The following FAM53B variants were observed in gnomAD, a reference collection of about 807,000 sequenced individuals.
FAM53B encodes protein FAM53B.
A neutral mutation model predicts 32.7 loss-of-function variants in FAM53B; 12 were observed. The ratio of observed to expected loss-of-function variants is 0.37; its 90% CI spans 0.24 to 0.59. The LOEUF (loss-of-function observed/expected upper bound fraction) is 0.59. Among genes scored for constraint, FAM53B ranks in the 20% least tolerant of loss-of-function variants. The pLI, the probability that FAM53B is intolerant of heterozygous loss-of-function variation, is 0.72. For synonymous variants in FAM53B, 234 were observed against 228.7 expected (o/e 1.02, Z -0.21); for missense variants, 477 against 577.7 (o/e 0.83, Z 1.79).
In FAM53B at chr10:124,681,703, C is replaced by T. The variant is rs141674794; in HGVS notation, c.810G>A (p.Pro270=). The change falls in exon 4 of 5, where the codon CCG becomes CCA. Residue 270 remains proline (P), a synonymous_variant. Transcript: ENST00000337318. ...SSGLSRSRSQ[P]CVLNDKKVGV... is the part of the protein sequence containing the mutation. ...CGACCTTCTTGTCGTTAAGGACACACGGCTGGGAGCGGCTGCGGGAAAGGC... is the reference window on the plus strand; with the variant it reads ...CGACCTTCTTGTCGTTAAGGACACATGGCTGGGAGCGGCTGCGGGAAAGGC... The T allele has an allele frequency of 1.9e-4, 300 of 1,610,412 alleles. 1 individual carries two copies. In the South Asian group the frequency reaches 2.7e-3, roughly 14 times the overall value.
intron 4 of FAM53B, among the ~76,000 whole-genome samples, chr10:124,661,010 C>A (rs1949627345): frequency 1.4e-5 from 2 of 147,478 alleles, no homozygotes; most frequent in Non-Finnish European, 3.0e-5. Context: ...CTATACAATT[C>A]AGCCATGAAA....
chr10:124,639,603 G>C (rs916470867), intron 4 of FAM53B, among the ~76,000 whole-genome samples: 4 of 152,190 alleles, frequency 2.6e-5, no homozygotes, highest in African/African-American at 9.7e-5. Context: ...GGGTTGGCCG[G>C]GGTGGGTCTC....
chr10:124,645,333 T>C (rs1240666756), intron 4 of FAM53B, among the ~76,000 whole-genome samples: 1 of 152,214 alleles, frequency 6.6e-6, no homozygotes, highest in East Asian at 1.9e-4. Context: ...CAGTAATCAT[T>C]GAGAGCAATA....
intron 4 of FAM53B, among the ~76,000 whole-genome samples, chr10:124,643,072 G>GAA (rs1949487498): frequency 6.6e-6 from 1 of 152,172 alleles, no homozygotes; most frequent in Non-Finnish European, 1.5e-5. Context: ...AGAAAGAAAA[G>GAA]AAAGAGCACG....
chr10:124,698,626 C>T (rs1027884767), intron 2 of FAM53B, among the ~76,000 whole-genome samples: 1 of 152,178 alleles, frequency 6.6e-6, no homozygotes, highest in African/African-American at 2.4e-5. Context: ...GCATCTGCAG[C>T]AGGTCCCCAG....
rs542998091 is a variant in FAM53B, at chr10:124,660,359, C to T, written c.906+21248G>A. ...CATCTCACTGGGACCAGACAAGCAA[C>T]CCAGCTGGTACGTCCAGAGGAATGC... On this transcript the variant is annotated intron_variant, in intron 4 of 4. Transcript: ENST00000337318. 2.0e-5 allele frequency among the ~76,000 whole-genome samples: 3 copies of T among 152,344 alleles called. No individual in the cohort carries two copies. In the South Asian group the frequency reaches 6.2e-4, roughly 32 times the overall value.
At chr10:124,658,714 C>T (rs1949611229) in intron 4 of FAM53B, among the ~76,000 whole-genome samples, 1 of 152,204 alleles carries the variant, frequency 6.6e-6, no homozygotes, top group African/African-American at 2.4e-5. Context: ...TGCACTTCAC[C>T]CCGGCAACCC....
chr10:124,643,104 A>G lies in FAM53B; in HGVS notation c.907-19500T>C, dbSNP rs190576775. 1.8e-4 allele frequency among the ~76,000 whole-genome samples: 28 copies of G among 152,344 alleles called. No homozygotes were observed. In the East Asian group the frequency reaches 3.5e-3, roughly 19 times the overall value. On this transcript the variant is annotated intron_variant, in intron 4 of 4. Coordinates refer to ENST00000337318, the MANE Select transcript of FAM53B (RefSeq NM_014661.4). ...CACGAAAAGGACACACAAAACACAA[A>G]CAAAAATGTCTCTTCCTAGATGGCC...
At chr10:124,643,718 G>C (rs1852884328) in intron 4 of FAM53B, among the ~76,000 whole-genome samples, 1 of 152,242 alleles carries the variant, frequency 6.6e-6, no homozygotes, top group Admixed American at 6.5e-5. Flanking sequence ...CCCGAACCAG[G>C]CTAATTAAAA....
rs369411231 is a variant in FAM53B, at chr10:124,734,961, A to C, written c.-175+9052T>G. On this transcript the variant is annotated intron_variant, in intron 1 of 4. Transcript: ENST00000337318. The stretch of plus-strand genomic sequence containing the variant: ...CCTTTCAAAGCTTCAGCAAGCTTAG[A>C]TGAGCTCTTGCTCCTGCAGACTGAG... 2.8e-4 allele frequency among the ~76,000 whole-genome samples: 43 copies of C among 152,338 alleles called. No homozygotes were observed. In the East Asian group the frequency reaches 4.4e-3, roughly 16 times the overall value.
chr10:124,650,845 GA>G (rs767138523), intron 4 of FAM53B, among the ~76,000 whole-genome samples: 3 of 152,128 alleles, frequency 2.0e-5, no homozygotes, highest in Non-Finnish European at 4.4e-5. Context: ...TGTTTGAAAA[GA>G]AAGGGTTCAT....
chr10:124,626,516 C>T (rs370420885), intron 4 of FAM53B, among the ~76,000 whole-genome samples: 1 of 152,008 alleles, frequency 6.6e-6, no homozygotes, highest in African/African-American at 2.4e-5. Flanking sequence ...AGGTGCCTCT[C>T]CAGCCAGACA....
intron 4 of FAM53B, among the ~76,000 whole-genome samples, chr10:124,656,099 G>A (rs1949587571): frequency 6.6e-6 from 1 of 152,254 alleles, no homozygotes; most frequent in Admixed American, 6.5e-5. Flanking sequence ...CATTGAACAG[G>A]TGGCAAAGAG....
In FAM53B at chr10:124,707,656, T is replaced by C. The variant is rs562195994; in HGVS notation, c.-174-769A>G. 5.3e-5 allele frequency among the ~76,000 whole-genome samples: 8 copies of C among 152,300 alleles called. No homozygotes were observed. In the East Asian group the frequency reaches 1.2e-3, roughly 22 times the overall value. On this transcript the variant is annotated intron_variant, in intron 1 of 4. Transcript: ENST00000337318. Reference sequence around the variant, plus strand: ...TGTAAGGCTGAGGCAGGAGAATCGCTTGAACCTGGGAGGCAGAGGTTGCAG... The same window carrying C: ...TGTAAGGCTGAGGCAGGAGAATCGCCTGAACCTGGGAGGCAGAGGTTGCAG...
chr10:124,670,553 C>T (rs568339977), intron 4 of FAM53B, among the ~76,000 whole-genome samples: 15 of 152,328 alleles, frequency 9.8e-5, no homozygotes, highest in African/African-American at 3.4e-4. Flanking sequence ...CTGTGCCCTG[C>T]GCTCACCACG....
At chr10:124,695,599 C>A (rs1432506612) in intron 3 of FAM53B, among the ~76,000 whole-genome samples, 1 of 152,194 alleles carries the variant, frequency 6.6e-6, no homozygotes, top group East Asian at 1.9e-4. Flanking sequence ...CTTGACCCAA[C>A]AGCCTAGATG....
chr10:124,694,956 G>A (rs1457337159), intron 3 of FAM53B, among the ~76,000 whole-genome samples: 1 of 152,170 alleles, frequency 6.6e-6, no homozygotes, highest in Non-Finnish European at 1.5e-5. Flanking sequence ...ACCTTGCAGA[G>A]GGCCACCTCA....
intron 4 of FAM53B, among the ~76,000 whole-genome samples, chr10:124,668,862 G>A (rs1317192111): frequency 6.6e-6 from 1 of 152,246 alleles, no homozygotes; most frequent in Non-Finnish European, 1.5e-5. Flanking sequence ...GCACTGATAG[G>A]CCTTTTCCTT....
chr10:124,696,478 G>T (rs1008377050), intron 2 of FAM53B, among the ~76,000 whole-genome samples: 1 of 152,206 alleles, frequency 6.6e-6, no homozygotes. Flanking sequence ...CTTCTGACAC[G>T]AGGGGATTTT....
Sources: allele counts gnomAD v4.1 joint callset (sites outside exome capture counted in the v4.1 genomes callset), GRCh38; gene constraint gnomAD v4.1.1; transcripts MANE v1.5; gene names NCBI Gene and HGNC (gene_info 2026-07-23, HGNC 2026-07-21).